The following DCDC1 variants were observed in gnomAD, a reference collection of about 807,000 sequenced individuals.
DCDC1 encodes the protein doublecortin domain containing 1, also known as doublecortin domain-containing protein 1.
Under a neutral mutation model 178.3 loss-of-function variants are expected in DCDC1, and 200 were observed. The observed-to-expected ratio is 1.12, with a 90% CI of 1.00 to 1.26. The LOEUF (loss-of-function observed/expected upper bound fraction) is 1.26, where lower values mean the gene tolerates loss of function less well. Among genes scored for constraint, DCDC1 ranks in the 50% most tolerant of loss-of-function variants. DCDC1 has a pLI of 0.00. For missense variants in DCDC1, 1,983 were observed against 1,749.2 expected, an observed-to-expected ratio of 1.13 and a Z score of -2.38; for synonymous variants, 690 against 604.8, an observed-to-expected ratio of 1.14 and a Z score of -2.07.
At chr11:31,262,892 C>T (rs1944887889) in intron 8 of DCDC1, 2 of 582,160 alleles carry the variant, frequency 3.4e-6, no homozygotes, top group South Asian at 3.6e-5. Context: ...AATGCTTCCA[C>T]ATGTTAGTGG....
At chr11:31,282,429 T>G (rs1357182562) in intron 7 of DCDC1, among the ~76,000 whole-genome samples, 2 of 151,510 alleles carry the variant, frequency 1.3e-5, no homozygotes, top group Non-Finnish European at 2.9e-5. Context: ...ATATATAATT[T>G]TAAATATAAT....
intron 9 of DCDC1, 73 bp downstream of exon 9, chr11:31,241,377 A>G (rs1229086256): frequency 5.1e-6 from 2 of 393,144 alleles, no homozygotes; most frequent in African/African-American, 2.1e-5. Flanking sequence ...CACAAAGCCA[A>G]TCATTGCCTC....
intron 20 of DCDC1, among the ~76,000 whole-genome samples, chr11:30,974,174 T>C (rs540027587): frequency 6.6e-6 from 1 of 150,790 alleles, no homozygotes; most frequent in South Asian, 2.1e-4. Context: ...ATAAAAAAAG[T>C]TATTGAAAAA....
At chr11:31,362,538 T>C (rs1262223316) in intron 1 of DCDC1, among the ~76,000 whole-genome samples, 1 of 152,134 alleles carries the variant, frequency 6.6e-6, no homozygotes, top group Non-Finnish European at 1.5e-5. Context: ...GAAAATGCTG[T>C]CAGATTTCTA....
At chr11:31,042,942 T>C (rs1033954266) in intron 20 of DCDC1, among the ~76,000 whole-genome samples, 1 of 152,188 alleles carries the variant, frequency 6.6e-6, no homozygotes, top group African/African-American at 2.4e-5. Context: ...ATACATCATT[T>C]AACAAATAAG....
At chr11:31,094,317 C>A (rs1291611653) in intron 15 of DCDC1, 133 bp from the exon 16 acceptor site, 8 of 621,150 alleles carry the variant, frequency 1.3e-5, no homozygotes, top group Non-Finnish European at 2.3e-5. Flanking sequence ...AAGTAGCATT[C>A]AATCCCCTTT....
At chr11:30,911,601 T>C (rs934923238) in intron 27 of DCDC1, among the ~76,000 whole-genome samples, 181 bp from the exon 28 acceptor site, 2 of 152,244 alleles carry the variant, frequency 1.3e-5, no homozygotes, top group Non-Finnish European at 2.9e-5. Flanking sequence ...TAGAGAGTGC[T>C]GGAAGAAGAC....
intron 20 of DCDC1, among the ~76,000 whole-genome samples, chr11:30,982,547 C>T (rs888467686): frequency 8.5e-5 from 13 of 152,094 alleles, no homozygotes; most frequent in African/African-American, 2.7e-4. Context: ...GATGTAATGA[C>T]GTATTTAACA....
At chr11:31,092,146 G>A (rs1221119611) in intron 16 of DCDC1, among the ~76,000 whole-genome samples, 4 of 152,104 alleles carry the variant, frequency 2.6e-5, no homozygotes, top group East Asian at 3.8e-4. Context: ...TTTATGGCAC[G>A]TAAAATTCTC....
At chr11:31,016,057 AG>A (rs1952469489) in intron 20 of DCDC1, among the ~76,000 whole-genome samples, 1 of 152,188 alleles carries the variant, frequency 6.6e-6, no homozygotes, top group South Asian at 2.1e-4. Flanking sequence ...ACAATGAAAG[AG>A]GGGGGTTGGG....
chr11:30,987,462 G>C (rs2134876629), intron 20 of DCDC1, among the ~76,000 whole-genome samples: 1 of 152,212 alleles, frequency 6.6e-6, no homozygotes, highest in South Asian at 2.1e-4. Context: ...TGTTATCATG[G>C]AGCTTATAAT....
rs139174732 is a variant in DCDC1, at chr11:31,286,324, C to T, written c.960+4323G>A. Among the ~76,000 whole-genome samples the T allele has an allele frequency of 3.9e-3, 585 of 151,904 alleles. 4 individuals carry two copies. The highest frequency in any genetic ancestry group is 0.013 in the African/African-American group (550 of 41,434). ...GTAAGTATATGACGCCTCCAGGTAACGGAGGAAAAGTATTCTGTTCTCTTT... is the reference window on the plus strand; with the variant it reads ...GTAAGTATATGACGCCTCCAGGTAATGGAGGAAAAGTATTCTGTTCTCTTT... On this transcript the variant is annotated intron_variant, in intron 7 of 38. Coordinates refer to ENST00000684477, the MANE Select transcript of DCDC1 (RefSeq NM_001387274.1).
At chr11:31,153,168 T>A (rs931664974) in intron 9 of DCDC1, among the ~76,000 whole-genome samples, 1 of 152,194 alleles carries the variant, frequency 6.6e-6, no homozygotes, top group Non-Finnish European at 1.5e-5. Flanking sequence ...CCTCAGTGAC[T>A]CCCTACTGCC....
At position 31,215,534 on chromosome 11, in the gene DCDC1, C is replaced by A. The variant is rs928112403; in HGVS notation, c.1221+25916G>T. Among the ~76,000 whole-genome samples, 104 of 149,830 alleles carry A rather than the reference C, an allele frequency of 6.9e-4. 2 individuals are homozygous for A. Among genetic ancestry groups the A allele is most frequent in the Non-Finnish European group, 1.5e-4 (10 of 67,560 alleles). On this transcript the variant is annotated intron_variant, in intron 9 of 38. Coordinates refer to ENST00000684477, the MANE Select transcript of DCDC1 (RefSeq NM_001387274.1). ...AGCAGGCCTGGCGCGGTAGCTCATGCCTGTAATCCTAGCACTTTGGGAGGC... is the reference window on the plus strand; with the variant it reads ...AGCAGGCCTGGCGCGGTAGCTCATGACTGTAATCCTAGCACTTTGGGAGGC...
rs774415816 is a variant in DCDC1 at position 31,307,801 on chromosome 11, C to G, written c.272G>C (p.Gly91Ala). The change falls in exon 4 of 39, where the codon GGG becomes GCG. Residue 91 changes from glycine to alanine, a missense_variant. Gly to Ala is a moderately conservative substitution (Grantham distance 60). Coordinates refer to ENST00000684477, the MANE Select transcript of DCDC1 (RefSeq NM_001387274.1). ...RLVHSAAVSE[G>A]SGLQDCSTHQ... ...TGTGGAGCAATCTTGAAGTCCTGAC[C>G]CTTCTGATACTGCTGCTGAATGCAC... is the stretch of plus-strand genomic sequence containing the variant. 1 of 1,613,896 alleles carries G rather than the reference C, an allele frequency of 6.2e-7. No homozygotes were observed. The highest frequency in any genetic ancestry group is 1.3e-5 in the African/African-American group (1 of 74,884).
chr11:31,049,692 C>T (rs887603810), intron 20 of DCDC1, among the ~76,000 whole-genome samples: 6 of 152,138 alleles, frequency 3.9e-5, no homozygotes, highest in African/African-American at 7.2e-5. Context: ...GCCTCAACTG[C>T]GAAAGTGGGA....
intron 7 of DCDC1, among the ~76,000 whole-genome samples, chr11:31,278,440 CTTATATGTGAA>C (rs1946153347): frequency 6.6e-6 from 1 of 152,028 alleles, no homozygotes; most frequent in Non-Finnish European, 1.5e-5. Context: ...CATGATTTCA[CTTATATGTGAA>C]AACAAAAAAA....
At chr11:31,202,510 G>A (rs1291503663) in intron 9 of DCDC1, among the ~76,000 whole-genome samples, 1 of 152,148 alleles carries the variant, frequency 6.6e-6, no homozygotes, top group East Asian at 1.9e-4. Context: ...GGTGGAGGTT[G>A]CAGTGAGCCA....
At chr11:31,086,399 T>C (rs1957476561) in intron 17 of DCDC1, among the ~76,000 whole-genome samples, 1 of 152,212 alleles carries the variant, frequency 6.6e-6, no homozygotes. Flanking sequence ...TTAAAGTAAC[T>C]CTCCAAATCA....
Sources: gnomAD v4.1 joint callset for allele counts (sites outside exome capture counted in the v4.1 genomes callset) on GRCh38, gnomAD v4.1.1 for gene constraint, MANE v1.5 for transcripts, NCBI Gene and HGNC (gene_info 2026-07-23, HGNC 2026-07-21) for gene names.